SCLT1: variants seen among roughly 807,000 people sequenced by gnomAD.
SCLT1 encodes the protein sodium channel and clathrin linker 1, also known as sodium channel-associated protein 1.
Under a neutral mutation model 112.8 loss-of-function variants are expected in SCLT1, and 78 were observed. The ratio of observed to expected loss-of-function variants is 0.69; its 90% CI spans 0.58 to 0.83. SCLT1 has a LOEUF of 0.83. Ranked by LOEUF, SCLT1 falls within the 40% of genes least tolerant of loss-of-function variation. SCLT1 has a pLI of 0.00. For synonymous variants in SCLT1, 257 were observed against 254.7 expected (o/e 1.01, Z -0.09); for missense variants, 747 against 770.4 (o/e 0.97, Z 0.36).
intron 2 of SCLT1, among the ~76,000 whole-genome samples, chr4:129,079,978 G>C (rs763377809): frequency 6.6e-6 from 1 of 152,218 alleles, no homozygotes; most frequent in Non-Finnish European, 1.5e-5. Flanking sequence ...AGTTGACTGC[G>C]ATGTTATCTG....
chr4:129,043,354 TAATAA>T, intron 4 of SCLT1, 36 bp downstream of exon 4: 1 of 1,016,964 alleles, frequency 9.8e-7, no homozygotes, highest in Non-Finnish European at 1.5e-6. Flanking sequence ...TTTATTTTCA[TAATAA>T]AATATTACAA....
chr4:128,928,452 C>T (rs1736479722), intron 18 of SCLT1, among the ~76,000 whole-genome samples: 1 of 152,128 alleles, frequency 6.6e-6, no homozygotes, highest in Non-Finnish European at 1.5e-5. Context: ...ATTTGGTACA[C>T]TAGCAAAATC....
chr4:128,902,336 G>A (rs1354790656), intron 18 of SCLT1, among the ~76,000 whole-genome samples: 2 of 152,092 alleles, frequency 1.3e-5, no homozygotes, highest in African/African-American at 2.4e-5. Context: ...TTTTATTGTT[G>A]TATGAACACC....
intron 4 of SCLT1, 60 bp from the exon 5 acceptor site, chr4:129,039,156 T>C: frequency 1.9e-6 from 2 of 1,036,978 alleles, no homozygotes; most frequent in African/African-American, 1.6e-5. Flanking sequence ...CTCCATTAAG[T>C]AGACCACTCA....
chr4:128,976,002 T>C (rs1741144448), intron 9 of SCLT1, among the ~76,000 whole-genome samples: 4 of 152,188 alleles, frequency 2.6e-5, no homozygotes, highest in Admixed American at 2.6e-4. Context: ...GCTCTTCAGT[T>C]TTTAAATACG....
intron 2 of SCLT1, among the ~76,000 whole-genome samples, chr4:129,060,786 G>A (rs1749896355): frequency 6.6e-6 from 1 of 152,226 alleles, no homozygotes; most frequent in Non-Finnish European, 1.5e-5. Flanking sequence ...ACAAGTAGCT[G>A]CAGTGGCACT....
At chr4:128,882,673 G>T (rs1732668871), downstream of SCLT1, among the ~76,000 whole-genome samples, 1 of 152,136 alleles carries the variant, frequency 6.6e-6, no homozygotes. Flanking sequence ...TTGGGGGGAA[G>T]ATGACATTAA....
In SCLT1 at chr4:128,890,945, T is replaced by A; in HGVS notation, c.1908+114A>T. 3 of 688,388 alleles carry A rather than the reference T, an allele frequency of 4.4e-6. No homozygotes were observed. The South Asian group carries it at 5.8e-5, about 13-fold the overall frequency. The allele number at this position is 688,388 out of a possible 1,614,324, so 42.6% of individuals were successfully genotyped here. On this transcript the variant is annotated intron_variant, in intron 19 of 20. Coordinates refer to ENST00000281142, the MANE Select transcript of SCLT1 (RefSeq NM_144643.4). ...TGGGCTTTTAGGGTTATGGATGATT[T>A]CTGTATTGTTATTTCCAAGTAGAGA... is the stretch of plus-strand genomic sequence containing the variant.
chr4:128,941,320 G>A (rs1737674471), intron 17 of SCLT1, among the ~76,000 whole-genome samples: 3 of 151,970 alleles, frequency 2.0e-5, no homozygotes, highest in African/African-American at 4.8e-5. Context: ...AAAAATACTT[G>A]ATATTTTTAG....
At position 128,897,440 on chromosome 4, in the gene SCLT1, G is replaced by C. The variant is rs566929350; in HGVS notation, c.1830-6303C>G. On this transcript the variant is annotated intron_variant, in intron 18 of 20. Transcript: ENST00000281142. ...GCCAAACTAAGCTTCATAAGTGAAGGAGAAATAAAATCCTTTACAGACAAG... is the reference window on the plus strand; with the variant it reads ...GCCAAACTAAGCTTCATAAGTGAAGCAGAAATAAAATCCTTTACAGACAAG... 2.7e-4 allele frequency among the ~76,000 whole-genome samples: 40 copies of C among 150,336 alleles called. No individual in the cohort carries two copies. The South Asian group carries it at 8.1e-3, about 30-fold the overall frequency.
chr4:128,970,390 C>T lies in SCLT1; in HGVS notation c.765G>A (p.Gln255=), dbSNP rs746600133. 16 of 1,577,594 alleles carry T rather than the reference C, an allele frequency of 1.0e-5. No individual in the cohort carries two copies. The South Asian group carries it at 1.7e-4, about 16-fold the overall frequency. ...AAATAGAAAATACCTTCTTTTTCAT[C>T]TGTCCCTGCAGATCTTCAGTCACAT... ...LTNVTEDLQG[Q]MKKKEKDVVS... The change falls in exon 10 of 21, where the codon CAG becomes CAA. Residue 255 remains glutamine (Q), a synonymous_variant. Coordinates refer to ENST00000281142, the MANE Select transcript of SCLT1 (RefSeq NM_144643.4).
chr4:129,021,398 C>T (rs544097172), intron 5 of SCLT1, among the ~76,000 whole-genome samples: 24 of 152,270 alleles, frequency 1.6e-4, no homozygotes, highest in South Asian at 6.2e-4. Flanking sequence ...TCTTGCTCGG[C>T]GGGTCCAACT....
At chr4:128,946,651 G>A (rs1023994902) in intron 15 of SCLT1, among the ~76,000 whole-genome samples, 1 of 152,188 alleles carries the variant, frequency 6.6e-6, no homozygotes, top group Non-Finnish European at 1.5e-5. Context: ...TAAAGCAGCT[G>A]AAGTAAAAAT....
At chr4:129,030,324 A>T (rs1361454711) in intron 5 of SCLT1, among the ~76,000 whole-genome samples, 3 of 152,198 alleles carry the variant, frequency 2.0e-5, no homozygotes, top group African/African-American at 7.2e-5. Context: ...GTTAAGAGGG[A>T]AATTTATAGC....
chr4:128,888,815 T>A (rs1242759732), intron 19 of SCLT1, 41 bp from the exon 20 acceptor site: 1 of 1,203,744 alleles, frequency 8.3e-7, no homozygotes. Flanking sequence ...AATCCATATG[T>A]GACATGGAGA....
At chr4:129,046,268 G>A (rs1162301969) in intron 2 of SCLT1, among the ~76,000 whole-genome samples, 3 of 152,048 alleles carry the variant, frequency 2.0e-5, no homozygotes, top group Admixed American at 6.6e-5. Context: ...ACAAGTTTCA[G>A]TTAACATGGT....
chr4:128,907,135 G>T (rs1190814570), intron 18 of SCLT1, among the ~76,000 whole-genome samples: 1 of 151,772 alleles, frequency 6.6e-6, no homozygotes, highest in Non-Finnish European at 1.5e-5. Context: ...TTACTAGGAG[G>T]TGGGGGTGGG....
intron 17 of SCLT1, among the ~76,000 whole-genome samples, chr4:128,937,399 AAC>A (rs1445043252): frequency 7.2e-5 from 11 of 152,228 alleles, no homozygotes; most frequent in African/African-American, 2.4e-4. Context: ...ATATTTTTGC[AAC>A]ACTTTCCCTA....
intron 8 of SCLT1, chr4:128,997,424 A>C (rs1305502019): frequency 6.6e-6 from 1 of 151,998 alleles, no homozygotes; most frequent in Admixed American, 6.6e-5. Flanking sequence ...GGAAAGACTA[A>C]TTCTATTTAT....
Sources: gnomAD v4.1 joint callset for allele counts (sites outside exome capture counted in the v4.1 genomes callset) on GRCh38, gnomAD v4.1.1 for gene constraint, MANE v1.5 for transcripts, NCBI Gene and HGNC (gene_info 2026-07-23, HGNC 2026-07-21) for gene names.